NIPBL: variants seen among roughly 807,000 people sequenced by gnomAD.
The protein encoded by NIPBL is nipped-B-like protein.
In NIPBL, 19 loss-of-function variants were observed where a neutral mutation model predicts 321.8. The ratio of observed to expected loss-of-function variants is 0.06; its 90% confidence interval spans 0.04 to 0.09. The LOEUF (loss-of-function observed/expected upper bound fraction) is 0.09, where lower values mean the gene tolerates loss of function less well. NIPBL is among the 10% of genes least tolerant of loss of function. The probability of loss-of-function intolerance (pLI) is 1.00; values close to 1 mark genes in which losing one functional copy is unlikely to be tolerated. For synonymous variants in NIPBL, 1,106 were observed against 1,114.1 expected (o/e 0.99, Z 0.14); for missense variants, 2,210 against 3,327.0 (o/e 0.66, Z 8.26).
At chr5:37,037,289 G>A (rs890875693) in intron 33 of NIPBL, among the ~76,000 whole-genome samples, 1 of 151,436 alleles carries the variant, frequency 6.6e-6, no homozygotes, top group African/African-American at 2.4e-5. Context: ...TTGGGAGGCT[G>A]AGGCAGGAGA....
chr5:36,931,125 C>G (rs1209476316), intron 1 of NIPBL, among the ~76,000 whole-genome samples: 1 of 152,010 alleles, frequency 6.6e-6, no homozygotes, highest in Non-Finnish European at 1.5e-5. Context: ...TTGGTGAGAT[C>G]GTCTGTGCCT....
chr5:37,011,325 G>A (rs1229789658), intron 21 of NIPBL, among the ~76,000 whole-genome samples: 3 of 152,168 alleles, frequency 2.0e-5, no homozygotes, highest in African/African-American at 7.2e-5. Flanking sequence ...CGAGGTCAAG[G>A]TGGGCAGATT....
chr5:36,990,907 A>G (rs534832677), intron 10 of NIPBL, among the ~76,000 whole-genome samples: 1 of 152,220 alleles, frequency 6.6e-6, no homozygotes, highest in South Asian at 2.1e-4. Flanking sequence ...TTAACAGCTA[A>G]GGAGCTAGCA....
chr5:36,902,104 G>A (rs1051454599), intron 1 of NIPBL, among the ~76,000 whole-genome samples: 10 of 151,304 alleles, frequency 6.6e-5, no homozygotes, highest in African/African-American at 2.4e-4. Flanking sequence ...TTTTTTAATA[G>A]AGTTGTTTTC....
At chr5:36,936,284 G>A (rs1379356289) in intron 1 of NIPBL, among the ~76,000 whole-genome samples, 1 of 152,056 alleles carries the variant, frequency 6.6e-6, no homozygotes, top group Non-Finnish European at 1.5e-5. Context: ...ACCATATGAT[G>A]ACATTTGGTC....
chr5:36,886,675 T>G (rs1745931606), intron 1 of NIPBL, among the ~76,000 whole-genome samples: 1 of 151,910 alleles, frequency 6.6e-6, no homozygotes, highest in Non-Finnish European at 1.5e-5. Context: ...GGTGTGCAGT[T>G]TGATGAGTTT....
chr5:36,915,783 T>G (rs890113273), intron 1 of NIPBL, among the ~76,000 whole-genome samples: 2 of 152,202 alleles, frequency 1.3e-5, no homozygotes, highest in African/African-American at 4.8e-5. Context: ...TGATACATTG[T>G]AACACATGCC....
Position 37,064,996 on chromosome 5 carries a change from G to T in NIPBL, c.*104G>T, listed in dbSNP as rs1755241839. 3.6e-6 allele frequency: 5 copies of T among 1,374,964 alleles called. No individual in the cohort carries two copies. The highest frequency in any genetic ancestry group is 5.1e-6 in the Non-Finnish European group (5 of 980,672). The allele number at this position is 1,374,964 out of a possible 1,614,324, so 85.2% of individuals were successfully genotyped here. ...AAAAAATCAGTTTTATGAAGAGTAA[G>T]TGGAACCTGGGATGCAGGAACAAAA... On this transcript the variant is annotated 3_prime_UTR_variant, in exon 47 of 47. Coordinates refer to ENST00000282516, the MANE Select transcript of NIPBL (RefSeq NM_133433.4).
In NIPBL at chr5:36,976,038, T is replaced by G. The variant is rs1288241578; in HGVS notation, c.1131T>G (p.Ile377Met). 6.2e-7 allele frequency: 1 copy of G among 1,614,052 alleles called. No individual in the cohort carries two copies. ...SSDMDQQEDM[I>M]SGVENSNVSE... ...ACATGGACCAGCAAGAGGATATGAT[T>G]TCTGGTGTGGAAAATAGCAATGTTT... Residue 377 changes from isoleucine to methionine, a missense_variant, in exon 9 of 47, where the codon ATT becomes ATG. By Grantham distance (10) the Ile-to-Met change is conservative. This residue lies in a region of NIPBL where 464 missense variants were observed against 529.5 expected (regional missense o/e 0.88). Coordinates refer to ENST00000282516, the MANE Select transcript of NIPBL (RefSeq NM_133433.4).
In NIPBL at chr5:37,019,386, G is replaced by C; in HGVS notation, c.4996G>C (p.Asp1666His). ...TTACTTGGATGAAAACACTGAGACT[G>C]ATCCTTCACTAGTGGTAGGATTCTT... Reference protein sequence around the residue: ...LDYLDENTETDPSLVFSRKFY... With the variant: ...LDYLDENTETHPSLVFSRKFY... Residue 1666 changes from aspartate (D) to histidine (H), a missense_variant, in exon 25 of 47, where the codon GAT becomes CAT. Physicochemically the swap from Asp to His is moderately conservative, Grantham distance 81. Around this residue, in one of 14 missense-constraint regions of NIPBL, gnomAD observed 138 missense variants for 175.8 expected, o/e 0.79. Transcript: ENST00000282516. 6.2e-7 allele frequency: 1 copy of C among 1,610,330 alleles called. No homozygotes were observed. Among genetic ancestry groups the C allele is most frequent in the East Asian group, 2.2e-5 (1 of 44,760 alleles).
intron 12 of NIPBL, 110 bp from the exon 13 acceptor site, chr5:37,000,707 C>A: frequency 8.0e-7 from 1 of 1,256,416 alleles, no homozygotes; most frequent in Non-Finnish European, 1.1e-6. Flanking sequence ...TTTCTATGTG[C>A]AGTGATTATC....
intron 1 of NIPBL, chr5:36,886,139 A>C (rs1293823388): frequency 1.5e-6 from 1 of 648,682 alleles, no homozygotes; most frequent in Admixed American, 2.1e-5. Flanking sequence ...TCTGGACTTG[A>C]TAAGAAATCT....
At chr5:36,886,616 A>G (rs1385341161) in intron 1 of NIPBL, 8 of 526,826 alleles carry the variant, frequency 1.5e-5, no homozygotes, top group Non-Finnish European at 2.7e-5. Flanking sequence ...TTTTTTTAAT[A>G]TGTCAGGTGT....
intron 8 of NIPBL, 75 bp downstream of exon 8, chr5:36,972,116 C>A: frequency 3.2e-6 from 3 of 950,844 alleles, no homozygotes; most frequent in Non-Finnish European, 4.9e-6. Context: ...CTTCCTAAAG[C>A]AGATATTAAA....
chr5:36,984,153 G>A (rs1014199926), intron 9 of NIPBL, among the ~76,000 whole-genome samples: 1 of 151,672 alleles, frequency 6.6e-6, no homozygotes, highest in East Asian at 1.9e-4. Context: ...TTTCCCAATG[G>A]CATGGTATAT....
At chr5:36,992,758 A>T (rs1745687599) in intron 10 of NIPBL, among the ~76,000 whole-genome samples, 1 of 146,536 alleles carries the variant, frequency 6.8e-6, no homozygotes, top group African/African-American at 2.6e-5. Flanking sequence ...TTATTTATTT[A>T]TTGAGATGGA....
At chr5:36,922,148 A>G (rs1441758540) in intron 1 of NIPBL, among the ~76,000 whole-genome samples, 2 of 152,008 alleles carry the variant, frequency 1.3e-5, no homozygotes, top group Admixed American at 1.3e-4. Flanking sequence ...TCAGCCTCCC[A>G]AAGTGTTGAG....
chr5:36,909,873 C>G (rs1424925857), intron 1 of NIPBL, among the ~76,000 whole-genome samples: 1 of 152,022 alleles, frequency 6.6e-6, no homozygotes, highest in African/African-American at 2.4e-5. Flanking sequence ...GTCAAGAGAT[C>G]GAGACTATCC....
intron 1 of NIPBL, among the ~76,000 whole-genome samples, chr5:36,925,272 CTT>C (rs11386035): frequency 2.1e-5 from 3 of 145,566 alleles, no homozygotes; most frequent in Non-Finnish European, 1.5e-5. Flanking sequence ...TAATTCATTA[CTT>C]TTTTTTTTTT....
Sources: gnomAD v4.1 joint callset for allele counts (sites outside exome capture counted in the v4.1 genomes callset) on GRCh38, gnomAD v4.1.1 for gene constraint, gnomAD v4.1.1 regional missense constraint, MANE v1.5 for transcripts, NCBI Gene and HGNC (gene_info 2026-07-23, HGNC 2026-07-21) for gene names.